LRRC4C: variants seen among roughly 807,000 people sequenced by gnomAD.
LRRC4C encodes the protein leucine-rich repeat-containing protein 4C.
LRRC4C carries 5 observed loss-of-function variants against 33.6 expected under a neutral mutation model. The observed-to-expected ratio is 0.15, with a 90% CI of 0.08 to 0.31. The LOEUF is 0.31. Ranked by LOEUF, LRRC4C falls within the 10% of genes least tolerant of loss-of-function variation. LRRC4C has a pLI of 1.00. For missense variants in LRRC4C, 560 were observed against 796.7 expected (o/e 0.70, Z 3.58); for synonymous variants, 329 against 302.0 (o/e 1.09, Z -0.93).
intron 3 of LRRC4C, among the ~76,000 whole-genome samples, chr11:40,391,131 G>A (rs1429565602): frequency 1.3e-5 from 2 of 152,070 alleles, no homozygotes; most frequent in African/African-American, 4.8e-5. Context: ...GCCCACCTCA[G>A]TCTCCCAAAG....
chr11:40,653,845 G>T (rs1035207248), intron 2 of LRRC4C, among the ~76,000 whole-genome samples: 3 of 152,124 alleles, frequency 2.0e-5, no homozygotes, highest in Non-Finnish European at 2.9e-5. Flanking sequence ...AAGCCTAGAA[G>T]AAAAAACTGG....
chr11:40,366,683 T>C (rs575970643), intron 3 of LRRC4C, among the ~76,000 whole-genome samples: 2 of 152,172 alleles, frequency 1.3e-5, no homozygotes, highest in Admixed American at 1.3e-4. Flanking sequence ...ATGGCATTTA[T>C]GCACATAACA....
chr11:40,446,870 C>G (rs940558982), intron 3 of LRRC4C: 2 of 152,224 alleles, frequency 1.3e-5, no homozygotes, highest in Non-Finnish European at 2.9e-5. Flanking sequence ...TTACCTCCAA[C>G]TGGTCCCTCC....
chr11:41,177,982 A>G (rs1945277823), intron 1 of LRRC4C, among the ~76,000 whole-genome samples: 1 of 152,200 alleles, frequency 6.6e-6, no homozygotes, highest in South Asian at 2.1e-4. Context: ...AAAAAAGCCA[A>G]GATACCGTGG....
rs1475277829 is a variant in LRRC4C at position 40,490,117 on chromosome 11, TAAATA to T, written c.-270+158020_-270+158024del. On this transcript the variant is annotated intron_variant, in intron 3 of 6. Transcript: ENST00000528697. Reference sequence around the variant, plus strand: ...TATAGTGTATGTTCAATAAATTTGTTAAATAAAATTTATAATAAATAAAATGTATA... The same window carrying T: ...TATAGTGTATGTTCAATAAATTTGTTAAATTTATAATAAATAAAATGTATA... 2.6e-5 allele frequency among the ~76,000 whole-genome samples: 4 copies of T among 152,290 alleles called. No individual in the cohort carries two copies. The South Asian group carries it at 6.2e-4, about 24-fold the overall frequency.
chr11:40,794,181 T>C (rs1262413871), intron 2 of LRRC4C, among the ~76,000 whole-genome samples: 1 of 152,100 alleles, frequency 6.6e-6, no homozygotes, highest in African/African-American at 2.4e-5. Flanking sequence ...CAGTCCCCCG[T>C]AAATAGCATA....
intron 1 of LRRC4C, among the ~76,000 whole-genome samples, chr11:41,340,046 G>A (rs1221105546): frequency 6.6e-6 from 1 of 152,122 alleles, no homozygotes; most frequent in African/African-American, 2.4e-5. Flanking sequence ...AAGTTTAGAA[G>A]AGGAAGGTAA....
In LRRC4C at chr11:40,997,142, A is replaced by G. The variant is rs114774586; in HGVS notation, c.-495-63419T>C. ...GATAATAGAGATTTGTGAATTATGA[A>G]AATATTAGGGATAGTTGAAAAACTG... On this transcript the variant is annotated intron_variant, in intron 1 of 6. Transcript: ENST00000528697. Among the ~76,000 whole-genome samples the G allele has an allele frequency of 2.2e-3, 339 of 152,268 alleles. 1 individual carries two copies. The highest frequency in any genetic ancestry group is 7.9e-3 in the African/African-American group (330 of 41,560).
At chr11:40,776,687 G>A (rs2137229838) in intron 2 of LRRC4C, among the ~76,000 whole-genome samples, 1 of 151,682 alleles carries the variant, frequency 6.6e-6, no homozygotes, top group South Asian at 2.1e-4. Flanking sequence ...TTTTTGGTTT[G>A]GTTAACTTAT....
At chr11:40,614,723 A>G (rs7932975) in intron 3 of LRRC4C, among the ~76,000 whole-genome samples, 65,447 of 151,394 alleles carry the variant, frequency 0.43, 15,222 homozygotes, top group Middle Eastern at 0.57. Context: ...TTGAACACTT[A>G]GAGGTCACTG....
At chr11:40,710,120 G>C (rs1946385055) in intron 2 of LRRC4C, among the ~76,000 whole-genome samples, 1 of 152,028 alleles carries the variant, frequency 6.6e-6, no homozygotes, top group South Asian at 2.1e-4. Flanking sequence ...TAGCTTCTTT[G>C]CGATGGGTTT....
At chr11:40,483,943 T>A (rs12283590) in intron 3 of LRRC4C, among the ~76,000 whole-genome samples, 5,825 of 151,886 alleles carry the variant, frequency 0.038, 328 homozygotes, top group African/African-American at 0.12. Flanking sequence ...GTAAAACAAA[T>A]GTCCCCCAAA....
chr11:40,913,013 T>G (rs1428019877), intron 2 of LRRC4C, among the ~76,000 whole-genome samples: 1 of 152,180 alleles, frequency 6.6e-6, no homozygotes, highest in African/African-American at 2.4e-5. Context: ...TAAATATATA[T>G]GCACCCAATA....
chr11:40,625,049 GAAT>G (rs1962798940), intron 3 of LRRC4C, among the ~76,000 whole-genome samples: 1 of 152,022 alleles, frequency 6.6e-6, no homozygotes, highest in African/African-American at 2.4e-5. Context: ...ATAATATTCA[GAAT>G]AATACTGTAG....
intron 2 of LRRC4C, among the ~76,000 whole-genome samples, chr11:40,794,408 G>T (rs1351112304): frequency 6.7e-6 from 1 of 148,902 alleles, no homozygotes; most frequent in Non-Finnish European, 1.5e-5. Flanking sequence ...AAATGTGGCG[G>T]ACAGGGATCG....
chr11:41,148,340 A>G (rs1943826272), intron 1 of LRRC4C, among the ~76,000 whole-genome samples: 2 of 152,132 alleles, frequency 1.3e-5, no homozygotes, highest in African/African-American at 4.8e-5. Context: ...GCAGTGAGCC[A>G]TGATCACAAC....
intron 3 of LRRC4C, among the ~76,000 whole-genome samples, chr11:40,358,595 A>G (rs983670202): frequency 6.6e-6 from 1 of 152,068 alleles, no homozygotes; most frequent in Non-Finnish European, 1.5e-5. Flanking sequence ...ATCTCTTAAT[A>G]TAACCTCCCG....
rs571615836 is a variant in LRRC4C at position 40,348,537 on chromosome 11, A to G, written c.-269-28816T>C. On this transcript the variant is annotated intron_variant, in intron 3 of 6. Coordinates refer to ENST00000528697, the MANE Select transcript of LRRC4C (RefSeq NM_001258419.2). ...CCTACATTACTCCACTATTGCTGTC[A>G]CTCTTGCTCTTTATGGACTTATTTT... 2.9e-4 allele frequency among the ~76,000 whole-genome samples: 44 copies of G among 152,130 alleles called. No homozygotes were observed. In the South Asian group the frequency reaches 8.7e-3, roughly 30 times the overall value.
At chr11:40,686,758 T>G (rs759884910) in intron 2 of LRRC4C, among the ~76,000 whole-genome samples, 2 of 152,136 alleles carry the variant, frequency 1.3e-5, no homozygotes, top group African/African-American at 4.8e-5. Flanking sequence ...AAAAATTGAC[T>G]TGAAATCTCT....
Sources: gnomAD v4.1 joint callset for allele counts (sites outside exome capture counted in the v4.1 genomes callset) on GRCh38, gnomAD v4.1.1 for gene constraint, MANE v1.5 for transcripts, NCBI Gene and HGNC (gene_info 2026-07-23, HGNC 2026-07-21) for gene names.